Variants in CFAP119 observed in about 807,000 individuals in gnomAD.
CFAP119 encodes the protein cilia and flagella associated protein 119, also known as cilia- and flagella-associated protein 119.
the CFAP119 span, chr16:30,759,972 G>A: frequency 2.8e-6 from 4 of 1,453,362 alleles, no homozygotes; most frequent in East Asian, 7.4e-5. Context: ...AATAAACCAA[G>A]AAATAGATCA....
the CFAP119 span, chr16:30,761,707 C>T: frequency 6.5e-7 from 1 of 1,532,310 alleles, no homozygotes; most frequent in Non-Finnish European, 8.7e-7. Flanking sequence ...GCTCCGACTG[C>T]ACCCTCATTC....
the CFAP119 span, chr16:30,759,922 C>T: frequency 6.9e-7 from 1 of 1,440,308 alleles, no homozygotes; most frequent in Non-Finnish European, 9.1e-7. Flanking sequence ...CTGAACAAGA[C>T]AGACAAGGTC....
At chr16:30,761,642 T>C in the CFAP119 span, 17 of 1,535,984 alleles carry the variant, frequency 1.1e-5, no homozygotes, top group Non-Finnish European at 1.3e-5. Flanking sequence ...GGCCGACCCA[T>C]GCACTGAGCT....
the CFAP119 span, chr16:30,759,129 T>C: frequency 1.2e-5 from 19 of 1,614,202 alleles, no homozygotes. Context: ...GAAGAGACTG[T>C]GGCCCCAGGC....
At chr16:30,757,587 C>G in the CFAP119 span, 5 of 1,614,184 alleles carry the variant, frequency 3.1e-6, no homozygotes, top group East Asian at 1.1e-4. Context: ...CCTCCACCAG[C>G]CCCTGGAGCT....
chr16:30,758,887 T>C, the CFAP119 span: 3 of 1,481,352 alleles, frequency 2.0e-6, no homozygotes, highest in Non-Finnish European at 2.7e-6. Flanking sequence ...GACTTCTGCA[T>C]AAGGGATCAT....
At chr16:30,761,022 T>C in the CFAP119 span, 1 of 674,458 alleles carries the variant, frequency 1.5e-6, no homozygotes, top group Non-Finnish European at 2.5e-6. Context: ...TTTCTCACAC[T>C]GCCTCCTCTT....
At chr16:30,760,292 G>T in the CFAP119 span, 1 of 1,614,130 alleles carries the variant, frequency 6.2e-7, no homozygotes, top group Middle Eastern at 1.6e-4. Context: ...ACCAATACAA[G>T]CCTTGTGAAG....
chr16:30,760,393 G>A, the CFAP119 span: 1 of 1,614,200 alleles, frequency 6.2e-7, no homozygotes, highest in South Asian at 1.1e-5. Context: ...AGAGGTCCAG[G>A]GTGATGGCGT....
chr16:30,761,957 A>C, the CFAP119 span: 1 of 585,408 alleles, frequency 1.7e-6, no homozygotes, highest in South Asian at 2.3e-5. Context: ...TGAGGGAAGG[A>C]AGGCGGAAAG....
At chr16:30,757,549 A>G in the CFAP119 span, 1 of 1,614,216 alleles carries the variant, frequency 6.2e-7, no homozygotes, top group South Asian at 1.1e-5. Flanking sequence ...CTTGCTGCTG[A>G]GCCTTTCCTC....
At chr16:30,760,924 G>C in the CFAP119 span, 1 of 611,872 alleles carries the variant, frequency 1.6e-6, no homozygotes. Flanking sequence ...CCTTGGTCAA[G>C]TACTCCCTGT....
At chr16:30,759,445 C>A in the CFAP119 span, 1 of 1,614,214 alleles carries the variant, frequency 6.2e-7, no homozygotes, top group Non-Finnish European at 8.5e-7. Flanking sequence ...GAGGTCGATG[C>A]TGAAAGGAGG....
At chr16:30,759,141 T>TGGCCC in the CFAP119 span, 2 of 1,614,204 alleles carry the variant, frequency 1.2e-6, no homozygotes, top group Non-Finnish European at 1.7e-6. Context: ...GCCCCAGGCC[T>TGGCCC]GGCCCAGCCC....
At chr16:30,761,961 C>T in the CFAP119 span, 2 of 581,462 alleles carry the variant, frequency 3.4e-6, no homozygotes, top group Middle Eastern at 9.2e-4. Flanking sequence ...GGAAGGAAGG[C>T]GGAAAGCGCA....
the CFAP119 span, chr16:30,761,492 G>C: frequency 9.1e-6 from 14 of 1,531,682 alleles, no homozygotes; most frequent in Non-Finnish European, 1.2e-5. Context: ...TGGCGCCTGC[G>C]GGGGAGCCGG....
the CFAP119 span, chr16:30,761,030 C>T: frequency 2.8e-6 from 2 of 711,934 alleles, no homozygotes; most frequent in Non-Finnish European, 4.6e-6. Flanking sequence ...ACTGCCTCCT[C>T]TTTGGACTGG....
At chr16:30,759,998 A>G in the CFAP119 span, 4 of 1,465,744 alleles carry the variant, frequency 2.7e-6, no homozygotes, top group Non-Finnish European at 3.6e-6. Context: ...GCTATTAAAC[A>G]TTCTGAAGCA....
At chr16:30,759,149 C>T in the CFAP119 span, 6 of 1,614,188 alleles carry the variant, frequency 3.7e-6, no homozygotes, top group Non-Finnish European at 4.2e-6. Flanking sequence ...CCTGGCCCAG[C>T]CCAGCCCTGC....
Sources: gnomAD v4.1 joint callset for allele counts on GRCh38, gnomAD v4.1.1 for gene constraint, MANE v1.5 for transcripts, NCBI Gene and HGNC (gene_info 2026-07-23, HGNC 2026-07-21) for gene names.